The following PPP3CA variants were observed in gnomAD, a reference collection of about 807,000 sequenced individuals.
PPP3CA encodes CAM-PRP catalytic subunit.
In PPP3CA, 14 loss-of-function variants were observed where a neutral mutation model predicts 66.5. That is an observed-to-expected ratio of 0.21 (90% CI 0.14 to 0.33). The LOEUF (loss-of-function observed/expected upper bound fraction) is 0.33, where lower values mean the gene tolerates loss of function less well. Among genes scored for constraint, PPP3CA ranks in the 10% least tolerant of loss-of-function variants. The pLI, the probability that PPP3CA is intolerant of heterozygous loss-of-function variation, is 1.00. For synonymous variants in PPP3CA, 232 were observed against 226.2 expected (o/e 1.03, Z -0.23); for missense variants, 317 against 639.5 (o/e 0.50, Z 5.44).
At chr4:101,152,919 G>A (rs1007107935) in intron 2 of PPP3CA, among the ~76,000 whole-genome samples, 8 of 152,178 alleles carry the variant, frequency 5.3e-5, no homozygotes, top group Non-Finnish European at 1.2e-4. Flanking sequence ...TACTTCTGTC[G>A]ATAAAGATTT....
At position 101,061,079 on chromosome 4, in the gene PPP3CA, C is replaced by G; in HGVS notation, c.1156+8G>C. The G allele has an allele frequency of 6.2e-7, 1 of 1,607,334 alleles. No individual in the cohort carries two copies. On this transcript the variant is annotated splice_region_variant and intron_variant, in intron 10 of 13. Transcript: ENST00000394854. ...AATAGCATTAGCACAAAGGCTCAAG[C>G]CTCTTACCATCAAATCCATCTTCTT...
chr4:101,068,060 G>C (rs929683635), intron 8 of PPP3CA, among the ~76,000 whole-genome samples: 13 of 152,152 alleles, frequency 8.5e-5, no homozygotes, highest in African/African-American at 1.9e-4. Context: ...GAGGTCAAAA[G>C]AATGAAAAAT....
intron 6 of PPP3CA, among the ~76,000 whole-genome samples, chr4:101,088,423 A>C (rs1198889231): frequency 1.3e-5 from 2 of 151,920 alleles, no homozygotes; most frequent in Non-Finnish European, 2.9e-5. Context: ...GTCTCTATCA[A>C]AAATATAAAA....
intron 10 of PPP3CA, among the ~76,000 whole-genome samples, chr4:101,052,479 T>C (rs1474200708): frequency 6.6e-6 from 1 of 151,978 alleles, no homozygotes; most frequent in Non-Finnish European, 1.5e-5. Context: ...TATTCTGTAC[T>C]TTATAAAGGG....
intron 2 of PPP3CA, among the ~76,000 whole-genome samples, chr4:101,131,968 T>C (rs1046605535): frequency 2.6e-5 from 4 of 152,124 alleles, no homozygotes; most frequent in Admixed American, 2.6e-4. Flanking sequence ...ACCACACAAC[T>C]ACATGGAAAC....
At chr4:101,287,283 ATTACT>A (rs1439019614) in intron 1 of PPP3CA, among the ~76,000 whole-genome samples, 2 of 152,188 alleles carry the variant, frequency 1.3e-5, no homozygotes, top group East Asian at 3.9e-4. Context: ...TACATTTTTG[ATTACT>A]TTAATTATAC....
chr4:101,145,171 CTT>C (rs896802852), intron 2 of PPP3CA, among the ~76,000 whole-genome samples: 1 of 152,022 alleles, frequency 6.6e-6, no homozygotes, highest in African/African-American at 2.4e-5. Context: ...TAAAAGGAAA[CTT>C]TGTCTGCTGT....
chr4:101,293,446 G>C (rs1728095876), intron 1 of PPP3CA, among the ~76,000 whole-genome samples: 1 of 152,186 alleles, frequency 6.6e-6, no homozygotes, highest in African/African-American at 2.4e-5. Flanking sequence ...TGTAAGAAAG[G>C]AAGAAATATT....
intron 1 of PPP3CA, among the ~76,000 whole-genome samples, chr4:101,247,312 C>A (rs1215847165): frequency 6.6e-6 from 1 of 152,104 alleles, no homozygotes; most frequent in East Asian, 1.9e-4. Flanking sequence ...CAGGTGTTTA[C>A]CACCACACCC....
rs528792274 is a variant in PPP3CA at position 101,221,563 on chromosome 4, G to A, written c.59-25447C>T. 1.5e-3 allele frequency among the ~76,000 whole-genome samples: 226 copies of A among 151,012 alleles called. 1 individual carries two copies. Among genetic ancestry groups the A allele is most frequent in the Non-Finnish European group, 2.7e-3 (182 of 67,486 alleles). Reference sequence around the variant, plus strand: ...GAATTCTGAGAATTCCATTCACTTCGCTAAAAAACAAAACAAAACAAAATA... The same window carrying A: ...GAATTCTGAGAATTCCATTCACTTCACTAAAAAACAAAACAAAACAAAATA... On this transcript the variant is annotated intron_variant, in intron 1 of 13. Coordinates refer to ENST00000394854, the MANE Select transcript of PPP3CA (RefSeq NM_000944.5).
chr4:101,030,925 T>TAAGA lies in PPP3CA; in HGVS notation c.1339+1338_1339+1341dup. Among the ~76,000 whole-genome samples the TAAGA allele has an allele frequency of 1.3e-5, 2 of 150,776 alleles. 1 individual carries two copies. Among genetic ancestry groups the TAAGA allele is most frequent in the East Asian group, 3.9e-4 (2 of 5,194 alleles). ...TGATCCATTTATGCTAATGTTTTAG[T>TAAGA]AAGATATTTAATTTGGTAGAAAAAC... On this transcript the variant is annotated intron_variant, in intron 12 of 13. Coordinates refer to ENST00000394854, the MANE Select transcript of PPP3CA (RefSeq NM_000944.5).
intron 1 of PPP3CA, among the ~76,000 whole-genome samples, chr4:101,235,811 A>G (rs531980181): frequency 7.6e-4 from 116 of 152,026 alleles, no homozygotes; most frequent in African/African-American, 2.7e-3. Context: ...ACCAAAATGA[A>G]TATTAACTCA....
chr4:101,127,706 T>G (rs1722290347), intron 2 of PPP3CA, among the ~76,000 whole-genome samples: 1 of 150,682 alleles, frequency 6.6e-6, no homozygotes, highest in Non-Finnish European at 1.5e-5. Flanking sequence ...ATACACCAAA[T>G]GTATTACTCA....
intron 2 of PPP3CA, among the ~76,000 whole-genome samples, chr4:101,160,327 CT>C (rs1391709854): frequency 3.9e-5 from 6 of 152,134 alleles, no homozygotes; most frequent in African/African-American, 1.2e-4. Flanking sequence ...GTTTGGCTCA[CT>C]TTAGGGAAAT....
At chr4:101,267,080 T>A (rs982984172) in intron 1 of PPP3CA, among the ~76,000 whole-genome samples, 2 of 152,198 alleles carry the variant, frequency 1.3e-5, no homozygotes, top group African/African-American at 4.8e-5. Context: ...TGGGGCGTCC[T>A]CAGTTAACTA....
intron 6 of PPP3CA, among the ~76,000 whole-genome samples, chr4:101,092,509 C>T (rs1217726756): frequency 1.3e-5 from 2 of 151,236 alleles, no homozygotes; most frequent in African/African-American, 4.9e-5. Flanking sequence ...CATAGGTATA[C>T]ATGTGCCCTG....
chr4:101,328,314 C>T (rs2110330004), intron 1 of PPP3CA, among the ~76,000 whole-genome samples: 1 of 152,360 alleles, frequency 6.6e-6, no homozygotes, highest in East Asian at 1.9e-4. Context: ...AATTCTCAAT[C>T]ACCATCTTTT....
intron 2 of PPP3CA, among the ~76,000 whole-genome samples, chr4:101,182,417 G>A (rs1364702635): frequency 1.3e-5 from 2 of 152,084 alleles, no homozygotes; most frequent in African/African-American, 2.4e-5. Context: ...TCCAGAAGAC[G>A]TAGGACCTGA....
chr4:101,269,911 A>T (rs1727284606), intron 1 of PPP3CA, among the ~76,000 whole-genome samples: 1 of 152,128 alleles, frequency 6.6e-6, no homozygotes. Flanking sequence ...ACATGTGAAC[A>T]TTTCATAAAA....
Sources: allele counts gnomAD v4.1 joint callset (sites outside exome capture counted in the v4.1 genomes callset), GRCh38; gene constraint gnomAD v4.1.1; transcripts MANE v1.5; gene names NCBI Gene and HGNC (gene_info 2026-07-23, HGNC 2026-07-21).